TMEM68: variants seen among roughly 807,000 people sequenced by gnomAD.
TMEM68 encodes the protein transmembrane protein 68, also known as DGAT1/2-independent enzyme synthesizing storage lipids.
A neutral mutation model predicts 36.9 loss-of-function variants in TMEM68; 25 were observed. The observed-to-expected ratio is 0.68, with a 90% CI of 0.49 to 0.95. TMEM68 has a LOEUF of 0.95. TMEM68 is among the 40% of genes least tolerant of loss of function. TMEM68 has a pLI of 0.00. For missense variants in TMEM68, 333 were observed against 392.0 expected (o/e 0.85, Z 1.27); for synonymous variants, 131 against 124.4 (o/e 1.05, Z -0.35).
chr8:55,767,053 ATAAAAATAG>A, intron 1 of TMEM68, among the ~76,000 whole-genome samples: 1 of 142,316 alleles, frequency 7.0e-6, no homozygotes, highest in Non-Finnish European at 1.5e-5. Context: ...CATTTGTAAA[ATAAAAATAG>A]CATCTACCTA....
intron 1 of TMEM68, among the ~76,000 whole-genome samples, chr8:55,764,351 C>T (rs937862153): frequency 1.3e-5 from 2 of 152,196 alleles, no homozygotes; most frequent in Non-Finnish European, 2.9e-5. Context: ...TTCAATTATA[C>T]AATTATATTA....
chr8:55,754,508 C>T (rs1453239148), intron 4 of TMEM68, among the ~76,000 whole-genome samples: 1 of 140,040 alleles, frequency 7.1e-6, no homozygotes, highest in Non-Finnish European at 1.5e-5. Flanking sequence ...TACACACACA[C>T]ACGTGTATAT....
At chr8:55,754,367 C>T (rs1450811444) in intron 4 of TMEM68, among the ~76,000 whole-genome samples, 1 of 146,706 alleles carries the variant, frequency 6.8e-6, no homozygotes. Context: ...GGCTGAGGTA[C>T]GAGAATCAGA....
chr8:55,770,691 A>G (rs527944697), intron 1 of TMEM68, among the ~76,000 whole-genome samples: 2 of 151,742 alleles, frequency 1.3e-5, no homozygotes, highest in Non-Finnish European at 2.9e-5. Context: ...GCAGGGGGGA[A>G]CTCTATGTAC....
In TMEM68 at chr8:55,759,178, G is replaced by A. The variant is rs117171340; in HGVS notation, c.326-2767C>T. Among the ~76,000 whole-genome samples the A allele has an allele frequency of 1.1e-3, 165 of 151,564 alleles. 4 individuals are homozygous for A. In the East Asian group the frequency reaches 0.031, roughly 29 times the overall value. On this transcript the variant is annotated intron_variant, in intron 3 of 7. Coordinates refer to ENST00000434581, the MANE Select transcript of TMEM68 (RefSeq NM_001286657.2). Reference sequence around the variant, plus strand: ...CTCAAGCCTGTAATGCCAGTTCTTTGGGAGGCCAAGGCAGGAGGATTGCTT... The same window carrying A: ...CTCAAGCCTGTAATGCCAGTTCTTTAGGAGGCCAAGGCAGGAGGATTGCTT...
chr8:55,757,900 C>T (rs1396546738), intron 3 of TMEM68, among the ~76,000 whole-genome samples: 2 of 152,092 alleles, frequency 1.3e-5, no homozygotes, highest in Non-Finnish European at 2.9e-5. Flanking sequence ...ACACAGAAAG[C>T]CTCACCCCTA....
intron 5 of TMEM68, chr8:55,747,414 G>A (rs1320950660): frequency 6.6e-6 from 1 of 151,956 alleles, no homozygotes; most frequent in African/African-American, 2.4e-5. Context: ...AAAATTTGAT[G>A]GAGTTAACTC....
rs749638720 is a variant in TMEM68, at chr8:55,740,213, C to G, written c.894G>C (p.Lys298Asn). The G allele has an allele frequency of 6.2e-7, 1 of 1,612,232 alleles. No homozygotes were observed. Among genetic ancestry groups the G allele is most frequent in the Admixed American group, 1.7e-5 (1 of 59,748 alleles). Residue 298 changes from lysine (K) to asparagine (N), a missense_variant, in exon 8 of 8, where the codon AAG (lysine) becomes AAC (asparagine). Lys to Asn is a moderately conservative substitution (Grantham distance 94). Transcript: ENST00000434581. ...ITAEELAEKT[K>N]NAVQALIDKH... ...TATCAATCAAAGCTTGAACAGCATT[C>G]TTCGTCTATTAAGAAAACAAAAGAA...
intron 1 of TMEM68, among the ~76,000 whole-genome samples, chr8:55,765,185 A>C (rs1190175696): frequency 6.6e-6 from 1 of 152,192 alleles, no homozygotes. Flanking sequence ...CCTTATACTT[A>C]ACTTCCCCGT....
At chr8:55,771,550 G>A (rs747118083) in intron 1 of TMEM68, among the ~76,000 whole-genome samples, 1 of 152,214 alleles carries the variant, frequency 6.6e-6, no homozygotes, top group Non-Finnish European at 1.5e-5. Context: ...CTGGGAGGTA[G>A]AGGTTGCTGT....
intron 5 of TMEM68, chr8:55,748,099 G>C (rs1810335140): frequency 1.3e-5 from 2 of 152,286 alleles, no homozygotes; most frequent in African/African-American, 4.8e-5. Context: ...TTTCTACACT[G>C]GCACGCAAGC....
intron 1 of TMEM68, among the ~76,000 whole-genome samples, chr8:55,769,126 A>G (rs965807969): frequency 2.0e-5 from 3 of 150,800 alleles, no homozygotes; most frequent in African/African-American, 7.3e-5. Flanking sequence ...GGAGTTTGAG[A>G]CCAGCCTGGC....
At chr8:55,754,599 AAT>A (rs555596568) in intron 4 of TMEM68, among the ~76,000 whole-genome samples, 52 of 134,190 alleles carry the variant, frequency 3.9e-4, no homozygotes, top group African/African-American at 1.4e-3. Flanking sequence ...TATATTATGT[AAT>A]ATATATTTAT....
chr8:55,755,892 A>G (rs1810590361), intron 4 of TMEM68, among the ~76,000 whole-genome samples: 2 of 151,946 alleles, frequency 1.3e-5, no homozygotes, highest in South Asian at 4.1e-4. Flanking sequence ...CTGCACTTAT[A>G]CCCCTTTAAT....
chr8:55,755,010 T>C (rs906082171), intron 4 of TMEM68, among the ~76,000 whole-genome samples: 2 of 147,248 alleles, frequency 1.4e-5, no homozygotes, highest in Non-Finnish European at 3.0e-5. Flanking sequence ...TTAAATGTAG[T>C]CTTCACGGCT....
chr8:55,754,665 T>C (rs1454384651), intron 4 of TMEM68, among the ~76,000 whole-genome samples: 3 of 130,630 alleles, frequency 2.3e-5, no homozygotes, highest in African/African-American at 8.7e-5. Flanking sequence ...ATATATAAAA[T>C]ACATATATTA....
intron 5 of TMEM68, among the ~76,000 whole-genome samples, chr8:55,750,042 T>A (rs1410078150): frequency 9.2e-5 from 14 of 152,222 alleles, no homozygotes; most frequent in Admixed American, 9.2e-4. Context: ...ATTTTAAATC[T>A]ATTTTTGTCA....
At position 55,759,091 on chromosome 8, in the gene TMEM68, TTAAAAA is replaced by T. The variant is rs200188254; in HGVS notation, c.326-2686_326-2681del. Among the ~76,000 whole-genome samples, 1,391 of 152,052 alleles carry T rather than the reference TTAAAAA, an allele frequency of 9.1e-3. 23 individuals are homozygous for T. Among genetic ancestry groups the T allele is most frequent in the African/African-American group, 0.032 (1,333 of 41,464 alleles). On this transcript the variant is annotated intron_variant, in intron 3 of 7. Transcript: ENST00000434581. ...TGAGATAACATGACCTACAGTAAAT[TTAAAAA>T]TGAGTCATAAAATAATTCATCAATA...
At position 55,743,468 on chromosome 8, in the gene TMEM68, A is replaced by G; in HGVS notation, c.888+13T>C. ...AAATCTGTCCTAAAACTAAAAAAGA[A>G]AAAGCAATTTACCTTTTCAGCTAAT... On this transcript the variant is annotated intron_variant, in intron 7 of 7. Transcript: ENST00000434581. 6.6e-7 allele frequency: 1 copy of G among 1,512,980 alleles called. No homozygotes were observed. Among genetic ancestry groups the G allele is most frequent in the South Asian group, 1.3e-5 (1 of 78,574 alleles). The allele number at this position is 1,512,980 out of a possible 1,614,324, so 93.7% of individuals were successfully genotyped here.
Sources: allele counts gnomAD v4.1 joint callset (sites outside exome capture counted in the v4.1 genomes callset), GRCh38; gene constraint gnomAD v4.1.1; transcripts MANE v1.5; gene names NCBI Gene and HGNC (gene_info 2026-07-23, HGNC 2026-07-21).